GLE1: variants seen among roughly 807,000 people sequenced by gnomAD.
GLE1 encodes GLE1 RNA export mediator.
In GLE1, 78 loss-of-function variants were observed where a neutral mutation model predicts 97.3. The observed-to-expected ratio is 0.80, with a 90% confidence interval of 0.67 to 0.97. The LOEUF (loss-of-function observed/expected upper bound fraction) is 0.97, where lower values mean the gene tolerates loss of function less well. Among genes scored for constraint, GLE1 ranks in the 50% least tolerant of loss-of-function variants. GLE1 has a pLI of 0.00. For synonymous variants in GLE1, 302 were observed against 313.4 expected (o/e 0.96, Z 0.39); for missense variants, 753 against 857.5 (o/e 0.88, Z 1.52).
At chr9:128,531,795 GC>G (rs1339085461) in intron 9 of GLE1, among the ~76,000 whole-genome samples, 1 of 138,238 alleles carries the variant, frequency 7.2e-6, no homozygotes, top group African/African-American at 2.8e-5. Flanking sequence ...TCGAACCACT[GC>G]ACTCTAGCCT....
At chr9:128,534,007 T>A in intron 11 of GLE1, 56 bp downstream of exon 11, 1 of 1,149,876 alleles carries the variant, frequency 8.7e-7, no homozygotes, top group Non-Finnish European at 1.3e-6. Context: ...GAAATATAAA[T>A]AGAATTGGAA....
At chr9:128,521,954 C>G in intron 3 of GLE1, among the ~76,000 whole-genome samples, 1 of 152,242 alleles carries the variant, frequency 6.6e-6, no homozygotes, top group Non-Finnish European at 1.5e-5. Flanking sequence ...AAAGGACTTT[C>G]CTTAGTGGAG....
intron 12 of GLE1, among the ~76,000 whole-genome samples, chr9:128,537,539 C>G (rs1157915793): frequency 6.7e-6 from 1 of 149,694 alleles, no homozygotes; most frequent in Non-Finnish European, 1.5e-5. Context: ...GAGGTAGATT[C>G]ATGCCTGTAA....
At chr9:128,522,617 CAG>C (rs750079562) in intron 3 of GLE1, 49 bp from the exon 4 acceptor site, 2 of 1,497,272 alleles carry the variant, frequency 1.3e-6, no homozygotes, top group Non-Finnish European at 1.8e-6. Context: ...AGCCTGGCGA[CAG>C]AGAGAGATTC....
At chr9:128,537,834 T>G in intron 12 of GLE1, 152 bp from the exon 13 acceptor site, 1 of 678,682 alleles carries the variant, frequency 1.5e-6, no homozygotes, top group South Asian at 1.6e-5. Context: ...AAAACAGAAT[T>G]TGTTTAGTTT....
intron 1 of GLE1, 111 bp from the exon 2 acceptor site, chr9:128,508,765 T>G (rs1846714068): frequency 2.7e-6 from 2 of 735,132 alleles, no homozygotes; most frequent in South Asian, 2.9e-5. Flanking sequence ...TTACTTTGGG[T>G]CTTTGATGTT....
intron 2 of GLE1, among the ~76,000 whole-genome samples, chr9:128,514,445 CT>C (rs772047006): frequency 0.032 from 4,227 of 132,662 alleles, 91 homozygotes; most frequent in African/African-American, 0.088. Flanking sequence ...GGATAGCAGA[CT>C]TTTTTTTTTT....
chr9:128,521,130 C>CT (rs1455400045), intron 3 of GLE1, among the ~76,000 whole-genome samples: 1 of 152,138 alleles, frequency 6.6e-6, no homozygotes, highest in East Asian at 1.9e-4. Context: ...CTCTCATGCT[C>CT]TATGTGGTGT....
At chr9:128,514,510 T>G (rs893668123) in intron 2 of GLE1, among the ~76,000 whole-genome samples, 2 of 149,360 alleles carry the variant, frequency 1.3e-5, no homozygotes, top group African/African-American at 4.9e-5. Context: ...TCGTACGATC[T>G]CTGCGCACTG....
Position 128,533,884 on chromosome 9 carries a change from A to G in GLE1, c.1579A>G (p.Lys527Glu). The G allele has an allele frequency of 6.2e-7, 1 of 1,613,314 alleles. No homozygotes were observed. Among genetic ancestry groups the G allele is most frequent in the Non-Finnish European group, 8.5e-7 (1 of 1,179,310 alleles). The change falls in exon 11 of 16, where the codon AAG becomes GAG. Residue 527 changes from lysine to glutamate, a missense_variant. Physicochemically the swap from Lys to Glu is moderately conservative, Grantham distance 56. Coordinates refer to ENST00000309971, the MANE Select transcript of GLE1 (RefSeq NM_001003722.2). Reference protein sequence around the residue: ...GDLILAHLHKKCPYSVPFYPT... With the variant: ...GDLILAHLHKECPYSVPFYPT... ...CCTCATTCTTGCTCATCTACATAAG[A>G]AGTGTCCTTACTCTGTTCCTTTCTA...
At chr9:128,511,263 A>C (rs1846812301) in intron 2 of GLE1, among the ~76,000 whole-genome samples, 1 of 148,364 alleles carries the variant, frequency 6.7e-6, no homozygotes, top group African/African-American at 2.4e-5. Context: ...TAATATATAT[A>C]TTATAAATAT....
chr9:128,516,476 C>T lies in GLE1; in HGVS notation c.432+837C>T, dbSNP rs570814837. ...CTGGGACTACAGGTGCCTGTCACCA[C>T]GCCCAGCTAATTTTTTGTATTTTTA... On this transcript the variant is annotated intron_variant, in intron 3 of 15. Transcript: ENST00000309971. 4.8e-3 allele frequency among the ~76,000 whole-genome samples: 737 copies of T among 152,164 alleles called. 5 individuals are homozygous for T. The highest frequency in any genetic ancestry group is 0.017 in the African/African-American group (697 of 41,502).
At chr9:128,536,799 G>GGCCGGGCGCGGTGGCTC in intron 12 of GLE1, 1 of 348,458 alleles carries the variant, frequency 2.9e-6, no homozygotes, top group Admixed American at 4.0e-5. Flanking sequence ...AACTAGTTGA[G>GGCCGGGCGCGGTGGCTC]ACCTTAGAAG....
chr9:128,539,819 A>G lies in GLE1; in HGVS notation c.1964+121A>G, dbSNP rs1483057363. 10 of 1,572,024 alleles carry G rather than the reference A, an allele frequency of 6.4e-6. No homozygotes were observed. In the East Asian group the frequency reaches 2.1e-4, roughly 33 times the overall value. Reference sequence around the variant, plus strand: ...GTTAAAAACACCTGTACTAAGTATGACATCTTTCCTACTCCAGTCCCTCTC... The same window carrying G: ...GTTAAAAACACCTGTACTAAGTATGGCATCTTTCCTACTCCAGTCCCTCTC... On this transcript the variant is annotated intron_variant, in intron 14 of 15. Transcript: ENST00000309971.
At chr9:128,520,756 TA>T (rs1359022339) in intron 3 of GLE1, among the ~76,000 whole-genome samples, 1 of 150,334 alleles carries the variant, frequency 6.7e-6, no homozygotes, top group African/African-American at 2.5e-5. Context: ...GCTTCTCCAC[TA>T]TTTTTTTTTT....
intron 13 of GLE1, 88 bp from the exon 14 acceptor site, chr9:128,539,528 A>G: frequency 8.9e-7 from 1 of 1,121,750 alleles, no homozygotes; most frequent in South Asian, 1.2e-5. Context: ...TAGGTGTGAA[A>G]GATGAAGGGC....
chr9:128,508,853 C>G (rs754271392), intron 1 of GLE1, 23 bp from the exon 2 acceptor site: 1 of 1,349,332 alleles, frequency 7.4e-7, no homozygotes, highest in South Asian at 1.2e-5. Flanking sequence ...GTAAGTTGAG[C>G]TTAACCCTAT....
chr9:128,541,015 T>C, intron 15 of GLE1, 87 bp from the exon 16 acceptor site: 1 of 826,772 alleles, frequency 1.2e-6, no homozygotes. Flanking sequence ...TGAAATATGG[T>C]GTTCCTCAAA....
chr9:128,513,340 T>C (rs548088380), intron 2 of GLE1, among the ~76,000 whole-genome samples: 2 of 152,260 alleles, frequency 1.3e-5, no homozygotes, highest in Admixed American at 1.3e-4. Context: ...GGTGGCAAGA[T>C]GGCTACTGGT....
Sources: allele counts gnomAD v4.1 joint callset (sites outside exome capture counted in the v4.1 genomes callset), GRCh38; gene constraint gnomAD v4.1.1; transcripts MANE v1.5; gene names NCBI Gene and HGNC (gene_info 2026-07-23, HGNC 2026-07-21).